The following RETREG1 variants were observed in gnomAD, a reference collection of about 807,000 sequenced individuals.
RETREG1 encodes the protein reticulophagy regulator 1.
A neutral mutation model predicts 54.8 loss-of-function variants in RETREG1; 44 were observed. The ratio of observed to expected loss-of-function variants is 0.80; its 90% CI spans 0.63 to 1.03. RETREG1 has a LOEUF of 1.03. Among genes scored for constraint, RETREG1 ranks in the 50% least tolerant of loss-of-function variants. RETREG1 has a pLI of 0.00. For synonymous variants in RETREG1, 217 were observed against 238.5 expected (o/e 0.91, Z 0.83); for missense variants, 554 against 605.1 (o/e 0.92, Z 0.89).
chr5:16,610,274 G>A (rs1464023399), intron 1 of RETREG1, among the ~76,000 whole-genome samples: 4 of 152,200 alleles, frequency 2.6e-5, no homozygotes, highest in East Asian at 3.9e-4. Flanking sequence ...CAGGTCTCCC[G>A]CCAGGGGTGC....
intron 3 of RETREG1, among the ~76,000 whole-genome samples, chr5:16,524,504 T>C (rs1165483734): frequency 6.6e-6 from 1 of 152,224 alleles, no homozygotes; most frequent in Non-Finnish European, 1.5e-5. Flanking sequence ...ACTTTCAGCA[T>C]CAAACCATGG....
intron 3 of RETREG1, among the ~76,000 whole-genome samples, chr5:16,560,216 G>A (rs1035612760): frequency 3.2e-4 from 49 of 152,288 alleles, no homozygotes; most frequent in African/African-American, 8.7e-4. Context: ...CTGCATAAGT[G>A]TACATATCTA....
chr5:16,494,528 C>G (rs113356699), intron 3 of RETREG1, among the ~76,000 whole-genome samples: 2 of 152,122 alleles, frequency 1.3e-5, no homozygotes, highest in Non-Finnish European at 2.9e-5. Context: ...GTTTAAAGAA[C>G]GTGTGGCACC....
At chr5:16,601,853 A>T (rs1743063661) in intron 1 of RETREG1, among the ~76,000 whole-genome samples, 1 of 152,196 alleles carries the variant, frequency 6.6e-6, no homozygotes, top group Non-Finnish European at 1.5e-5. Context: ...AAACCCCAGA[A>T]TCTTCCAGGG....
intron 3 of RETREG1, among the ~76,000 whole-genome samples, chr5:16,553,222 A>C (rs1038699568): frequency 1.2e-4 from 19 of 152,228 alleles, no homozygotes; most frequent in Non-Finnish European, 2.1e-4. Context: ...AGAGCAGATA[A>C]ATAAGTTGTG....
intron 3 of RETREG1, among the ~76,000 whole-genome samples, chr5:16,512,127 C>T (rs948778739): frequency 3.3e-5 from 5 of 152,202 alleles, no homozygotes; most frequent in South Asian, 2.1e-4. Flanking sequence ...AGGTGCTAAG[C>T]GTTTCCTCAC....
At chr5:16,547,633 T>TC (rs1402260760) in intron 3 of RETREG1, among the ~76,000 whole-genome samples, 6 of 152,194 alleles carry the variant, frequency 3.9e-5, no homozygotes, top group African/African-American at 1.4e-4. Context: ...TCTTCCAAGT[T>TC]CCCCTTTCAA....
intron 1 of RETREG1, among the ~76,000 whole-genome samples, chr5:16,615,735 G>T (rs541745262): frequency 6.6e-6 from 1 of 152,316 alleles, no homozygotes; most frequent in African/African-American, 2.4e-5. Context: ...GAAAATGACA[G>T]GCTGTCTATT....
chr5:16,608,963 A>G (rs1185387846), intron 1 of RETREG1, among the ~76,000 whole-genome samples: 1 of 152,222 alleles, frequency 6.6e-6, no homozygotes, highest in African/African-American at 2.4e-5. Flanking sequence ...AATTTAGGGA[A>G]AATGGACGCT....
intron 3 of RETREG1, among the ~76,000 whole-genome samples, chr5:16,549,497 G>C (rs1741474095): frequency 1.3e-5 from 2 of 152,120 alleles, no homozygotes; most frequent in Non-Finnish European, 2.9e-5. Flanking sequence ...ACTTGGGATA[G>C]TCCTACTTTG....
intron 2 of RETREG1, among the ~76,000 whole-genome samples, chr5:16,567,268 C>T (rs1371886988): frequency 6.6e-6 from 1 of 152,054 alleles, no homozygotes; most frequent in Non-Finnish European, 1.5e-5. Context: ...CATGAAAGGC[C>T]AGGGAGGAGT....
intron 3 of RETREG1, among the ~76,000 whole-genome samples, chr5:16,520,175 G>C (rs773388261): frequency 6.6e-6 from 1 of 152,172 alleles, no homozygotes; most frequent in Non-Finnish European, 1.5e-5. Context: ...TGATGGGGAG[G>C]GGGTGAGGAA....
At chr5:16,517,721 C>G (rs978427778) in intron 3 of RETREG1, among the ~76,000 whole-genome samples, 5 of 152,176 alleles carry the variant, frequency 3.3e-5, no homozygotes, top group African/African-American at 9.7e-5. Context: ...GCAGCACACA[C>G]CCTCCAAATA....
At chr5:16,482,651 A>T (rs1042846112) in intron 4 of RETREG1, among the ~76,000 whole-genome samples, 2 of 152,060 alleles carry the variant, frequency 1.3e-5, no homozygotes, top group Admixed American at 6.6e-5. Context: ...GTGGATATTC[A>T]AGGAGCTTGA....
intron 3 of RETREG1, among the ~76,000 whole-genome samples, chr5:16,563,424 AT>A (rs1403914768): frequency 1.3e-5 from 2 of 151,008 alleles, no homozygotes; most frequent in African/African-American, 4.9e-5. Flanking sequence ...TGCCCAGCTA[AT>A]TTTTGTATTT....
At chr5:16,524,805 G>T (rs12657673) in intron 3 of RETREG1, among the ~76,000 whole-genome samples, 7 of 152,188 alleles carry the variant, frequency 4.6e-5, no homozygotes, top group African/African-American at 1.7e-4. Context: ...TGTGTCAGAA[G>T]CCGTATGAGA....
intron 3 of RETREG1, among the ~76,000 whole-genome samples, chr5:16,554,996 A>C (rs1741665870): frequency 6.6e-6 from 1 of 152,104 alleles, no homozygotes; most frequent in South Asian, 2.1e-4. Context: ...GCCACATTAC[A>C]AACTGGACTC....
chr5:16,566,813 G>A (rs1742025060), intron 2 of RETREG1, among the ~76,000 whole-genome samples: 1 of 152,184 alleles, frequency 6.6e-6, no homozygotes, highest in Non-Finnish European at 1.5e-5. Flanking sequence ...TTGTGCTTAT[G>A]TTCCAAATAA....
chr5:16,577,674 C>T (rs1205649160), intron 1 of RETREG1, among the ~76,000 whole-genome samples: 3 of 152,078 alleles, frequency 2.0e-5, no homozygotes, highest in African/African-American at 7.2e-5. Flanking sequence ...CCACCCAGAT[C>T]TCATCTTGAA....
Sources: allele counts gnomAD v4.1 joint callset (sites outside exome capture counted in the v4.1 genomes callset), GRCh38; gene constraint gnomAD v4.1.1; transcripts MANE v1.5; gene names NCBI Gene and HGNC (gene_info 2026-07-23, HGNC 2026-07-21).